Variants in GMDS observed in about 807,000 individuals in gnomAD.
The protein encoded by GMDS is GDP-mannose 4,6 dehydratase.
In GMDS, 20 loss-of-function variants were observed where a neutral mutation model predicts 49.9. That is an observed-to-expected ratio of 0.40 (90% confidence interval 0.28 to 0.58). GMDS has a LOEUF of 0.58. Ranked by LOEUF, GMDS falls within the 20% of genes least tolerant of loss-of-function variation. GMDS has a pLI of 0.42. For synonymous variants in GMDS, 177 were observed against 178.6 expected (o/e 0.99, Z 0.07); for missense variants, 362 against 481.4 (o/e 0.75, Z 2.32).
At chr6:1,862,727 TA>T (rs1428279538) in intron 7 of GMDS, among the ~76,000 whole-genome samples, 1 of 152,160 alleles carries the variant, frequency 6.6e-6, no homozygotes, top group African/African-American at 2.4e-5. Flanking sequence ...GTTCCCTGGG[TA>T]AAAAAATTCC....
chr6:1,695,152 G>A (rs537886225), intron 9 of GMDS, among the ~76,000 whole-genome samples: 13 of 152,134 alleles, frequency 8.5e-5, no homozygotes, highest in Admixed American at 3.9e-4. Context: ...AGCCCATGAC[G>A]GGGTCCAGGA....
intron 7 of GMDS, among the ~76,000 whole-genome samples, chr6:1,775,905 T>C (rs79271533): frequency 0.013 from 1,973 of 152,304 alleles, 47 homozygotes; most frequent in African/African-American, 0.045. Flanking sequence ...TCTGTCTTTA[T>C]TGTGAAAAAA....
intron 9 of GMDS, among the ~76,000 whole-genome samples, chr6:1,683,657 GA>G (rs1208663836): frequency 6.6e-6 from 1 of 152,176 alleles, no homozygotes; most frequent in African/African-American, 2.4e-5. Flanking sequence ...GCATTTGGGG[GA>G]AAAACCTTTA....
chr6:1,630,033 C>T (rs991941607), intron 9 of GMDS, among the ~76,000 whole-genome samples: 1 of 152,122 alleles, frequency 6.6e-6, no homozygotes, highest in Non-Finnish European at 1.5e-5. Flanking sequence ...AACTTAATGG[C>T]ATGTATAGTG....
intron 9 of GMDS, among the ~76,000 whole-genome samples, chr6:1,724,971 C>T (rs1766522339): frequency 6.6e-6 from 1 of 152,212 alleles, no homozygotes; most frequent in African/African-American, 2.4e-5. Context: ...TGGTAGAGTG[C>T]ATGAAATACA....
Position 1,813,857 on chromosome 6 carries a change from GA to G in GMDS, c.772-71272del, listed in dbSNP as rs1332840127. On this transcript the variant is annotated intron_variant, in intron 7 of 10. Coordinates refer to ENST00000380815, the MANE Select transcript of GMDS (RefSeq NM_001500.4). Reference sequence around the variant, plus strand: ...TAATTGGAAACTGAAATATTAGGGGGAAAATCAGAGAATAGATTCCATGCAT... The same window carrying G: ...TAATTGGAAACTGAAATATTAGGGGGAAATCAGAGAATAGATTCCATGCAT... Among the ~76,000 whole-genome samples the G allele has an allele frequency of 3.3e-5, 5 of 152,200 alleles. No individual in the cohort carries two copies. In the East Asian group the frequency reaches 7.7e-4, roughly 23 times the overall value.
chr6:2,201,008 C>A (rs1289194263), intron 1 of GMDS, among the ~76,000 whole-genome samples: 1 of 139,892 alleles, frequency 7.1e-6, no homozygotes, highest in Admixed American at 7.2e-5. Context: ...GCAGTGAGGG[C>A]AGCATGTTAG....
At chr6:2,032,081 G>A (rs1055113725) in intron 4 of GMDS, among the ~76,000 whole-genome samples, 6 of 152,266 alleles carry the variant, frequency 3.9e-5, no homozygotes, top group Admixed American at 2.6e-4. Flanking sequence ...GTAGAAGTTA[G>A]AACCTCTCAA....
At chr6:1,925,675 A>G (rs1401188877) in intron 7 of GMDS, among the ~76,000 whole-genome samples, 1 of 152,214 alleles carries the variant, frequency 6.6e-6, no homozygotes, top group Non-Finnish European at 1.5e-5. Flanking sequence ...AAGGTTTACT[A>G]AAATTTTTGC....
chr6:1,720,309 G>C (rs138565639), intron 9 of GMDS, among the ~76,000 whole-genome samples: 1 of 152,224 alleles, frequency 6.6e-6, no homozygotes, highest in East Asian at 1.9e-4. Context: ...GCGATCCTAT[G>C]AAGTATGGAA....
At chr6:2,136,624 A>C (rs1776015476) in intron 1 of GMDS, among the ~76,000 whole-genome samples, 1 of 152,164 alleles carries the variant, frequency 6.6e-6, no homozygotes, top group Non-Finnish European at 1.5e-5. Context: ...GGAGGCTGAC[A>C]CAGGAAGATT....
intron 7 of GMDS, among the ~76,000 whole-genome samples, chr6:1,792,038 C>T (rs766105734): frequency 6.6e-6 from 1 of 152,148 alleles, no homozygotes; most frequent in African/African-American, 2.4e-5. Flanking sequence ...CTTATTACAG[C>T]ACTACAGAAT....
chr6:1,825,967 G>A (rs781419914), intron 7 of GMDS, among the ~76,000 whole-genome samples: 6 of 152,140 alleles, frequency 3.9e-5, no homozygotes, highest in Non-Finnish European at 7.3e-5. Context: ...AGTGAGCGGA[G>A]ATCACACCAC....
At chr6:2,015,146 C>T (rs1767812080) in intron 4 of GMDS, among the ~76,000 whole-genome samples, 1 of 152,034 alleles carries the variant, frequency 6.6e-6, no homozygotes, top group East Asian at 1.9e-4. Context: ...TTCACAGATC[C>T]AACTGGCAGA....
intron 1 of GMDS, among the ~76,000 whole-genome samples, chr6:2,196,073 C>A (rs1050664065): frequency 1.3e-5 from 2 of 151,926 alleles, no homozygotes; most frequent in Admixed American, 1.3e-4. Context: ...TAAGTTTGTG[C>A]CCAAAAACTT....
intron 7 of GMDS, among the ~76,000 whole-genome samples, chr6:1,915,580 T>C (rs766548468): frequency 6.6e-6 from 1 of 152,186 alleles, no homozygotes; most frequent in Non-Finnish European, 1.5e-5. Context: ...TGGTTTTAAG[T>C]TGAAATATGA....
At chr6:1,729,083 A>G (rs1317106716) in intron 8 of GMDS, among the ~76,000 whole-genome samples, 5 of 152,162 alleles carry the variant, frequency 3.3e-5, no homozygotes, top group Admixed American at 3.3e-4. Context: ...CAGCTGAAGG[A>G]AAGCATTTAA....
chr6:1,849,312 C>A (rs1757551241), intron 7 of GMDS, among the ~76,000 whole-genome samples: 1 of 152,026 alleles, frequency 6.6e-6, no homozygotes, highest in South Asian at 2.1e-4. Flanking sequence ...GTAATATAAA[C>A]CTAGGGATTC....
At chr6:1,695,093 C>T (rs1306945483) in intron 9 of GMDS, among the ~76,000 whole-genome samples, 2 of 152,072 alleles carry the variant, frequency 1.3e-5, no homozygotes, top group Non-Finnish European at 2.9e-5. Flanking sequence ...AACAAACTTC[C>T]CTGAGGATAA....
Sources: gnomAD v4.1 joint callset for allele counts (sites outside exome capture counted in the v4.1 genomes callset) on GRCh38, gnomAD v4.1.1 for gene constraint, MANE v1.5 for transcripts, NCBI Gene and HGNC (gene_info 2026-07-23, HGNC 2026-07-21) for gene names.